The following FILIP1L variants were observed in gnomAD, a reference collection of about 807,000 sequenced individuals.
FILIP1L encodes filamin A interacting protein 1 like, also known as filamin A-interacting protein 1-like.
In FILIP1L, 55 loss-of-function variants were observed where a neutral mutation model predicts 96.6. The ratio of observed to expected loss-of-function variants is 0.57; its 90% confidence interval spans 0.46 to 0.71. FILIP1L has a LOEUF of 0.71. Among genes scored for constraint, FILIP1L ranks in the 30% least tolerant of loss-of-function variants. The probability of loss-of-function intolerance (pLI) is 0.00; values close to 1 mark genes in which losing one functional copy is unlikely to be tolerated. For synonymous variants in FILIP1L, 467 were observed against 473.9 expected (o/e 0.99, Z 0.19); for missense variants, 1,304 against 1,321.2 (o/e 0.99, Z 0.20).
At chr3:100,071,492 A>G (rs1307905468) in intron 1 of FILIP1L, among the ~76,000 whole-genome samples, 1 of 152,150 alleles carries the variant, frequency 6.6e-6, no homozygotes, top group East Asian at 1.9e-4. Flanking sequence ...ATTTCAAAGC[A>G]TTCACTAAAA....
intron 1 of FILIP1L, among the ~76,000 whole-genome samples, chr3:100,011,085 A>AGAAGATT (rs1559724433): frequency 1.3e-5 from 2 of 152,180 alleles, no homozygotes; most frequent in African/African-American, 2.4e-5. Context: ...CTGTGATAAT[A>AGAAGATT]GAAGATTGAA....
At chr3:100,001,091 T>C (rs1709829359) in intron 1 of FILIP1L, among the ~76,000 whole-genome samples, 1 of 152,218 alleles carries the variant, frequency 6.6e-6, no homozygotes, top group African/African-American at 2.4e-5. Flanking sequence ...TACTTATTAA[T>C]GCAGTTATTT....
At chr3:99,894,971 A>G (rs1706201904) in intron 4 of FILIP1L, among the ~76,000 whole-genome samples, 1 of 152,210 alleles carries the variant, frequency 6.6e-6, no homozygotes, top group Non-Finnish European at 1.5e-5. Context: ...AATGTGTTCC[A>G]GGTTCCCACT....
chr3:99,835,053 A>G (rs1196321030), intron 5 of FILIP1L, among the ~76,000 whole-genome samples: 1 of 152,064 alleles, frequency 6.6e-6, no homozygotes, highest in Non-Finnish European at 1.5e-5. Flanking sequence ...TAAGATGCCT[A>G]TTTCTTGGTC....
intron 1 of FILIP1L, among the ~76,000 whole-genome samples, chr3:100,037,764 G>C (rs1469527360): frequency 6.6e-6 from 1 of 152,078 alleles, no homozygotes; most frequent in Non-Finnish European, 1.5e-5. Context: ...GTGTATAAGT[G>C]AATGTTTAAA....
intron 4 of FILIP1L, among the ~76,000 whole-genome samples, chr3:99,893,851 C>G (rs1706167814): frequency 6.6e-6 from 1 of 152,156 alleles, no homozygotes; most frequent in Non-Finnish European, 1.5e-5. Context: ...TCCCTCCACC[C>G]CAACCCAAGA....
intron 1 of FILIP1L, among the ~76,000 whole-genome samples, chr3:100,036,381 C>T (rs1442578012): frequency 6.6e-6 from 1 of 152,134 alleles, no homozygotes; most frequent in Non-Finnish European, 1.5e-5. Context: ...ATGATGAGGA[C>T]ATGTCAAAAG....
intron 1 of FILIP1L, among the ~76,000 whole-genome samples, chr3:99,978,723 C>T (rs532965038): frequency 1.3e-5 from 2 of 152,132 alleles, no homozygotes; most frequent in South Asian, 2.1e-4. Flanking sequence ...GGCAAAACCC[C>T]GCCTCTTCTA....
At position 99,983,418 on chromosome 3, in the gene FILIP1L, ATGTATGTATG is replaced by A. The variant is rs1325335207; in HGVS notation, c.-10-52398_-10-52389del. 3.2e-3 allele frequency among the ~76,000 whole-genome samples: 265 copies of A among 81,932 alleles called. 7 individuals carry two copies. The highest frequency in any genetic ancestry group is 0.013 in the African/African-American group (243 of 19,086). 53.8% of individuals were successfully genotyped at this position (81,932 alleles called of 152,430 possible). A position where few individuals can be genotyped will look rare whatever the true frequency, so the allele number is the denominator to read the frequency against. On this transcript the variant is annotated intron_variant, in intron 1 of 5. Coordinates refer to ENST00000477258, the MANE Select transcript of FILIP1L (RefSeq NM_001387850.1). ...TATATATATATATATATATATATATATGTATGTATGTATGTATATATATGTATGTATATAT... is the reference window on the plus strand; with the variant it reads ...TATATATATATATATATATATATATATATGTATATATATGTATGTATATAT...
chr3:99,830,369 C>T lies in FILIP1L; in HGVS notation c.*45G>A, dbSNP rs898181744. The stretch of plus-strand genomic sequence containing the variant: ...TCATAGTGGTAATTTTAGCTTTCCA[C>T]ATATTTCTGTAGATGAATGTATCCA... On this transcript the variant is annotated 3_prime_UTR_variant, in exon 6 of 6. Transcript: ENST00000477258. The T allele has an allele frequency of 1.6e-5, 6 of 370,594 alleles. No individual in the cohort carries two copies. The highest frequency in any genetic ancestry group is 3.3e-5 in the Non-Finnish European group (6 of 183,990). The allele number at this position is 370,594 out of a possible 1,614,324, so 23.0% of individuals were successfully genotyped here.
chr3:100,112,719 C>T (rs754434155), intron 1 of FILIP1L, among the ~76,000 whole-genome samples: 1 of 152,124 alleles, frequency 6.6e-6, no homozygotes, highest in East Asian at 1.9e-4. Context: ...AGAAAATTCT[C>T]ATCAGAGTAG....
At chr3:99,874,976 T>C (rs1029187945) in intron 4 of FILIP1L, among the ~76,000 whole-genome samples, 8 of 152,314 alleles carry the variant, frequency 5.3e-5, no homozygotes, top group Admixed American at 2.6e-4. Context: ...AATGGCAGCC[T>C]ATGAATTCTG....
At chr3:100,067,008 A>C (rs936178909) in intron 1 of FILIP1L, among the ~76,000 whole-genome samples, 2 of 152,184 alleles carry the variant, frequency 1.3e-5, no homozygotes, top group African/African-American at 4.8e-5. Flanking sequence ...ATATTGAGTG[A>C]GATTCCTCAG....
At chr3:99,898,939 CA>C in intron 4 of FILIP1L, among the ~76,000 whole-genome samples, 1 of 152,022 alleles carries the variant, frequency 6.6e-6, no homozygotes, top group Non-Finnish European at 1.5e-5. Context: ...AGCTTTATTT[CA>C]AACTACTCTC....
At chr3:99,972,172 T>G (rs1001921724) in intron 1 of FILIP1L, among the ~76,000 whole-genome samples, 2 of 152,158 alleles carry the variant, frequency 1.3e-5, no homozygotes, top group African/African-American at 4.8e-5. Flanking sequence ...AAAGATGTCA[T>G]TCAAACCAGT....
At chr3:100,017,015 G>A (rs970874148) in intron 1 of FILIP1L, among the ~76,000 whole-genome samples, 5 of 152,024 alleles carry the variant, frequency 3.3e-5, no homozygotes, top group Non-Finnish European at 7.4e-5. Flanking sequence ...TCTTTAAATG[G>A]GTTTTTGTTA....
chr3:99,924,273 TCTC>T lies in FILIP1L; in HGVS notation c.559_561del (p.Glu187del). The stretch of plus-strand genomic sequence containing the variant: ...AGTAGGCATATGAATTCATCACTCT[TCTC>T]CATGTATTCTTTATGTTTTCTCTTT... On this transcript the variant is annotated inframe_deletion, in exon 4 of 6. Transcript: ENST00000477258. 1 of 1,614,070 alleles carries T rather than the reference TCTC, an allele frequency of 6.2e-7. No homozygotes were observed.
Position 99,849,100 on chromosome 3 carries a change from C to T in FILIP1L, c.2576G>A (p.Arg859Lys), listed in dbSNP as rs756006205. The change falls in exon 5 of 6, where the codon AGA becomes AAA. Residue 859 changes from arginine to lysine, a missense_variant. Physicochemically the swap from Arg to Lys is conservative, Grantham distance 26. Coordinates refer to ENST00000477258, the MANE Select transcript of FILIP1L (RefSeq NM_001387850.1). Reference protein sequence around the residue: ...CSQSTPCPVNRKLWIPWMKSK... With the variant: ...CSQSTPCPVNKKLWIPWMKSK... The stretch of plus-strand genomic sequence containing the variant: ...TTTCATCCAGGGAATCCATAGCTTT[C>T]TGTTAACAGGACATGGAGTAGACTG... 1.9e-6 allele frequency: 3 copies of T among 1,614,136 alleles called. No homozygotes were observed. The highest frequency in any genetic ancestry group is 3.3e-5 in the Admixed American group (2 of 60,028).
At chr3:100,057,065 C>T (rs1244500831) in intron 1 of FILIP1L, among the ~76,000 whole-genome samples, 1 of 152,076 alleles carries the variant, frequency 6.6e-6, no homozygotes, top group Admixed American at 6.6e-5. Context: ...TGTAAGAGAA[C>T]TAATGATTGG....
Sources: allele counts gnomAD v4.1 joint callset (sites outside exome capture counted in the v4.1 genomes callset), GRCh38; gene constraint gnomAD v4.1.1; transcripts MANE v1.5; gene names NCBI Gene and HGNC (gene_info 2026-07-23, HGNC 2026-07-21).